Variants in KCTD14 observed in about 807,000 individuals in gnomAD.
The protein encoded by KCTD14 is BTB/POZ domain-containing protein KCTD14.
KCTD14 carries 7 observed loss-of-function variants against 5.9 expected under a neutral mutation model. The ratio of observed to expected loss-of-function variants is 1.19; its 90% CI spans 0.68 to 2.23. The LOEUF (loss-of-function observed/expected upper bound fraction) is 2.23, where lower values mean the gene tolerates loss of function less well. Among genes scored for constraint, KCTD14 ranks in the 30% most tolerant of loss-of-function variants. KCTD14 has a pLI of 0.00. For missense variants in KCTD14, 342 were observed against 332.2 expected, an observed-to-expected ratio of 1.03 and a Z score of -0.23; for synonymous variants, 140 against 133.1, an observed-to-expected ratio of 1.05 and a Z score of -0.36.
In KCTD14 at chr11:78,016,298, C is replaced by G. The variant is rs980979535; in HGVS notation, c.*295G>C. 7.0e-6 allele frequency: 3 copies of G among 426,734 alleles called. No individual in the cohort carries two copies. Among genetic ancestry groups the G allele is most frequent in the African/African-American group, 4.0e-5 (2 of 50,152 alleles). The allele number at this position is 426,734 out of a possible 1,614,324, so 26.4% of individuals were successfully genotyped here. A position where few individuals can be genotyped will look rare whatever the true frequency, so the allele number is the denominator to read the frequency against. ...TCCTGTTGTCATCTCACATCTCTTG[C>G]CAACGCATTGTTGAAACATTCTTAC... On this transcript the variant is annotated 3_prime_UTR_variant, in exon 2 of 2. Coordinates refer to ENST00000353172, the MANE Select transcript of KCTD14 (RefSeq NM_023930.4).
At chr11:78,041,009 A>T (rs1300724214) in intron 1 of KCTD14, among the ~76,000 whole-genome samples, 1 of 152,196 alleles carries the variant, frequency 6.6e-6, no homozygotes, top group African/African-American at 2.4e-5. Flanking sequence ...TTTGCCTCTC[A>T]CAAAGGACAA....
At chr11:78,033,199 T>C (rs1005726046) in intron 2 of KCTD14, among the ~76,000 whole-genome samples, 2 of 152,228 alleles carry the variant, frequency 1.3e-5, no homozygotes, top group African/African-American at 4.8e-5. Context: ...AGAGCACACA[T>C]GTGCAAAGAC....
chr11:78,036,927 A>G (rs1857818967), intron 2 of KCTD14, among the ~76,000 whole-genome samples: 1 of 152,244 alleles, frequency 6.6e-6, no homozygotes, highest in Non-Finnish European at 1.5e-5. Flanking sequence ...GCCCAATGCC[A>G]GGCATTTTAC....
upstream of KCTD14, among the ~76,000 whole-genome samples, chr11:78,024,226 A>T (rs1857382513): frequency 6.6e-6 from 1 of 151,824 alleles, no homozygotes; most frequent in East Asian, 1.9e-4. Context: ...CTCTACTGAA[A>T]ATACAAAAAT....
chr11:78,042,067 G>GT (rs1242647466), intron 1 of KCTD14, among the ~76,000 whole-genome samples: 1 of 151,990 alleles, frequency 6.6e-6, no homozygotes, highest in Non-Finnish European at 1.5e-5. Flanking sequence ...AGGACCCCTG[G>GT]TAAAAAAAAC....
chr11:78,018,365 A>AC (rs1857226019), intron 1 of KCTD14, among the ~76,000 whole-genome samples: 1 of 151,790 alleles, frequency 6.6e-6, no homozygotes, highest in South Asian at 2.1e-4. Flanking sequence ...ACATAGCAAG[A>AC]CCCCATCTCT....
chr11:78,036,699 C>G (rs565569462), intron 2 of KCTD14, among the ~76,000 whole-genome samples: 1 of 152,282 alleles, frequency 6.6e-6, no homozygotes, highest in African/African-American at 2.4e-5. Flanking sequence ...ATCAATGATT[C>G]TTTTTAGTAA....
intron 2 of KCTD14, among the ~76,000 whole-genome samples, chr11:78,036,443 C>T (rs2136749680): frequency 1.3e-5 from 2 of 152,258 alleles, no homozygotes; most frequent in South Asian, 4.1e-4. Flanking sequence ...GTATTTTTAG[C>T]CACATTTCAC....
At chr11:78,037,356 C>A (rs962113087) in intron 2 of KCTD14, among the ~76,000 whole-genome samples, 2 of 152,198 alleles carry the variant, frequency 1.3e-5, no homozygotes, top group African/African-American at 4.8e-5. Context: ...TGTTTCTGGG[C>A]TCTCTTTGCA....
intron 1 of KCTD14, among the ~76,000 whole-genome samples, chr11:78,017,570 T>C (rs2136700986): frequency 6.6e-6 from 1 of 151,092 alleles, no homozygotes; most frequent in Admixed American, 6.6e-5. Flanking sequence ...TCAGCCTCCC[T>C]AATCGCTGGG....
At chr11:78,040,209 T>C (rs1010727065) in intron 1 of KCTD14, among the ~76,000 whole-genome samples, 1 of 152,220 alleles carries the variant, frequency 6.6e-6, no homozygotes, top group Admixed American at 6.5e-5. Context: ...CCGTTTCCCG[T>C]GTCATGTCTT....
chr11:78,037,537 C>T (rs1452629356), intron 2 of KCTD14, among the ~76,000 whole-genome samples: 1 of 152,216 alleles, frequency 6.6e-6, no homozygotes, highest in East Asian at 1.9e-4. Context: ...TCATCCCAGG[C>T]TGGCACATGG....
intron 1 of KCTD14, 81 bp downstream of exon 1, chr11:78,023,079 G>T: frequency 1.0e-6 from 1 of 969,930 alleles, no homozygotes; most frequent in Non-Finnish European, 1.5e-6. Context: ...GGGACGGGCA[G>T]GAGAAACTGG....
At chr11:78,028,837 A>G (rs1857540876) in intron 2 of KCTD14, among the ~76,000 whole-genome samples, 1 of 152,046 alleles carries the variant, frequency 6.6e-6, no homozygotes. Context: ...GCTATTCGGG[A>G]GGGTAAAGTA....
intron 2 of KCTD14, among the ~76,000 whole-genome samples, chr11:78,035,340 G>C (rs1857757086): frequency 1.3e-5 from 2 of 152,152 alleles, no homozygotes; most frequent in South Asian, 4.1e-4. Flanking sequence ...GCAGAAGCCA[G>C]AATATTCCTT....
intron 2 of KCTD14, among the ~76,000 whole-genome samples, chr11:78,034,181 G>A (rs746474956): frequency 2.0e-5 from 3 of 151,872 alleles, no homozygotes; most frequent in Admixed American, 6.6e-5. Flanking sequence ...GTTCAGGGGC[G>A]CCACAATCAC....
chr11:78,020,985 T>C (rs1276459764), intron 1 of KCTD14, among the ~76,000 whole-genome samples: 2 of 152,190 alleles, frequency 1.3e-5, no homozygotes, highest in African/African-American at 4.8e-5. Context: ...TCAAATATCC[T>C]TTCTGAAGCT....
chr11:78,031,700 T>G (rs996119506), intron 2 of KCTD14, among the ~76,000 whole-genome samples: 1 of 152,164 alleles, frequency 6.6e-6, no homozygotes, highest in Non-Finnish European at 1.5e-5. Flanking sequence ...TAATCCCTTT[T>G]TAGAGAGGAG....
chr11:78,033,809 G>A (rs1857701962), intron 2 of KCTD14, among the ~76,000 whole-genome samples: 1 of 148,784 alleles, frequency 6.7e-6, no homozygotes, highest in South Asian at 2.1e-4. Context: ...TCACACCACT[G>A]CACTACAGCT....
Sources: allele counts gnomAD v4.1 joint callset (sites outside exome capture counted in the v4.1 genomes callset), GRCh38; gene constraint gnomAD v4.1.1; transcripts MANE v1.5; gene names NCBI Gene and HGNC (gene_info 2026-07-23, HGNC 2026-07-21).